The following BACH2 variants were observed in gnomAD, a reference collection of about 807,000 sequenced individuals.
The protein encoded by BACH2 is transcription regulator protein BACH2.
Under a neutral mutation model 61.8 loss-of-function variants are expected in BACH2, and 5 were observed. The observed-to-expected ratio is 0.08, with a 90% confidence interval of 0.04 to 0.17. The LOEUF (loss-of-function observed/expected upper bound fraction) is 0.17, where lower values mean the gene tolerates loss of function less well. Among genes scored for constraint, BACH2 ranks in the 10% least tolerant of loss-of-function variants. BACH2 has a pLI of 1.00. For missense variants in BACH2, 824 were observed against 1,091.1 expected, an observed-to-expected ratio of 0.76 and a Z score of 3.45; for synonymous variants, 446 against 440.1, an observed-to-expected ratio of 1.01 and a Z score of -0.17.
In BACH2 at chr6:89,951,520, C is replaced by T. The variant is rs767734937; in HGVS notation, c.586G>A (p.Ala196Thr). The T allele has an allele frequency of 2.8e-5, 45 of 1,614,096 alleles. No individual in the cohort carries two copies. The highest frequency in any genetic ancestry group is 5.0e-5 in the Admixed American group (3 of 60,008). ...TCTTCCTTCTCTGCTACGGGGATGGCGGCGGCCTCAAAGCTGATGGGCTCT... is the reference window on the plus strand; with the variant it reads ...TCTTCCTTCTCTGCTACGGGGATGGTGGCGGCCTCAAAGCTGATGGGCTCT... ...LPEPISFEAA[A>T]IPVAEKEEAL... The change falls in exon 7 of 9, where the codon GCC becomes ACC. Residue 196 changes from alanine (A) to threonine (T), a missense_variant. By Grantham distance (58) the Ala-to-Thr change is moderately conservative. This residue lies in a region of BACH2 where 107 missense variants were observed against 121.7 expected (regional missense o/e 0.88). Coordinates refer to ENST00000257749, the MANE Select transcript of BACH2 (RefSeq NM_021813.4). The surrounding 1 kb of genome is among the most constrained non-coding windows in gnomAD (Gnocchi z 6.4).
intron 3 of BACH2, among the ~76,000 whole-genome samples, chr6:90,247,337 G>C (rs150353697): frequency 4.6e-5 from 7 of 151,200 alleles, no homozygotes; most frequent in Non-Finnish European, 1.0e-4. Flanking sequence ...CTGGGCTCAA[G>C]TGATCCTCCT....
chr6:90,109,381 T>G (rs1255426695), intron 4 of BACH2, among the ~76,000 whole-genome samples: 2 of 152,156 alleles, frequency 1.3e-5, no homozygotes, highest in African/African-American at 4.8e-5. Context: ...GGCTCCCTCC[T>G]CTGCAGAGTC....
At chr6:90,002,544 T>TG (rs1777190301) in intron 6 of BACH2, among the ~76,000 whole-genome samples, 1 of 152,096 alleles carries the variant, frequency 6.6e-6, no homozygotes, top group Admixed American at 6.5e-5. Flanking sequence ...CCGAAGCAAG[T>TG]GGATCACTTG....
intron 4 of BACH2, among the ~76,000 whole-genome samples, chr6:90,140,507 G>A (rs1203405422): frequency 1.3e-5 from 2 of 152,110 alleles, no homozygotes; most frequent in East Asian, 3.9e-4. Flanking sequence ...AAAGACACAG[G>A]GATACTTTCT....
intron 5 of BACH2, among the ~76,000 whole-genome samples, chr6:90,081,910 T>C (rs1781743002): frequency 6.6e-6 from 1 of 152,104 alleles, no homozygotes; most frequent in South Asian, 2.1e-4. Flanking sequence ...CCTGAAGGCC[T>C]AGTACTCTCC....
intron 4 of BACH2, among the ~76,000 whole-genome samples, chr6:90,101,910 GATGCT>G (rs1782644066): frequency 6.6e-6 from 1 of 151,900 alleles, no homozygotes; most frequent in African/African-American, 2.4e-5. Flanking sequence ...AATTATTTTT[GATGCT>G]ATGTAAATGG....
At chr6:90,234,461 A>G (rs2127861628) in intron 3 of BACH2, among the ~76,000 whole-genome samples, 1 of 152,364 alleles carries the variant, frequency 6.6e-6, no homozygotes, top group East Asian at 1.9e-4. Context: ...AATGTTTTGT[A>G]TAAACCTTAG....
At chr6:90,018,224 C>A (rs1488652640) in intron 5 of BACH2, among the ~76,000 whole-genome samples, 3 of 152,220 alleles carry the variant, frequency 2.0e-5, no homozygotes, top group East Asian at 1.9e-4. Context: ...CAGTACTCTG[C>A]AGAATATTAA....
At chr6:90,005,197 G>A (rs1225270091) in intron 6 of BACH2, among the ~76,000 whole-genome samples, 1 of 152,064 alleles carries the variant, frequency 6.6e-6, no homozygotes, top group African/African-American at 2.4e-5. Flanking sequence ...TAAGGTGGAT[G>A]GGGAGTTGGG....
At chr6:90,226,552 C>T (rs1019094281) in intron 3 of BACH2, among the ~76,000 whole-genome samples, 2 of 152,180 alleles carry the variant, frequency 1.3e-5, no homozygotes, top group Non-Finnish European at 2.9e-5. Flanking sequence ...CCCAACGTCA[C>T]TGTTACCACT....
chr6:90,267,919 C>G (rs1771392522), intron 2 of BACH2, among the ~76,000 whole-genome samples: 1 of 151,708 alleles, frequency 6.6e-6, no homozygotes, highest in South Asian at 2.1e-4. Context: ...TCTATATTCA[C>G]CTAAATATTA....
At chr6:90,223,112 G>A (rs1267995761) in intron 3 of BACH2, among the ~76,000 whole-genome samples, 8 of 152,124 alleles carry the variant, frequency 5.3e-5, no homozygotes, top group South Asian at 2.1e-4. Flanking sequence ...TCCATGAGAC[G>A]CACCCTTCTA....
chr6:90,184,501 T>C (rs971116840), intron 4 of BACH2, among the ~76,000 whole-genome samples: 8 of 152,328 alleles, frequency 5.3e-5, no homozygotes, highest in South Asian at 4.1e-4. Flanking sequence ...GCTGCTTTCC[T>C]GCCACTCACC....
Position 89,932,327 on chromosome 6 carries a change from C to T in BACH2, c.*81G>A. 6.5e-7 allele frequency: 1 copy of T among 1,527,744 alleles called. No homozygotes were observed. Among genetic ancestry groups the T allele is most frequent in the Admixed American group, 1.8e-5 (1 of 55,168 alleles). 94.6% of individuals were successfully genotyped at this position (1,527,744 alleles called of 1,614,324 possible). On this transcript the variant is annotated 3_prime_UTR_variant, in exon 9 of 9. Coordinates refer to ENST00000257749, the MANE Select transcript of BACH2 (RefSeq NM_021813.4). The stretch of plus-strand genomic sequence containing the variant: ...AAATGTGTTCTCGGTTTCTTCGGGA[C>T]AGCAGATGAACAGTGCCACAGGCTG...
At chr6:90,098,283 CA>C (rs1411090176) in intron 4 of BACH2, among the ~76,000 whole-genome samples, 9 of 140,130 alleles carry the variant, frequency 6.4e-5, no homozygotes, top group Admixed American at 7.1e-5. Flanking sequence ...GCCCCCCCCG[CA>C]ACCCCCACCC....
At chr6:90,061,629 T>G (rs146958135) in intron 5 of BACH2, among the ~76,000 whole-genome samples, 2 of 151,284 alleles carry the variant, frequency 1.3e-5, no homozygotes, top group Non-Finnish European at 2.9e-5. Flanking sequence ...AGAGAAAACA[T>G]AGGGACAGAC....
chr6:90,081,759 A>G (rs1008928575), intron 5 of BACH2, among the ~76,000 whole-genome samples: 1 of 152,100 alleles, frequency 6.6e-6, no homozygotes, highest in Non-Finnish European at 1.5e-5. Context: ...AATACTTCCT[A>G]TTCTACGGAC....
intron 4 of BACH2, among the ~76,000 whole-genome samples, chr6:90,170,311 T>C (rs1213198578): frequency 6.6e-6 from 1 of 152,214 alleles, no homozygotes; most frequent in Admixed American, 6.5e-5. Flanking sequence ...CTCCTTTACC[T>C]GCCCCAGGGT....
chr6:90,041,126 G>A (rs9451326), intron 5 of BACH2, among the ~76,000 whole-genome samples: 2,485 of 152,188 alleles, frequency 0.016, 80 homozygotes, highest in African/African-American at 0.056. Context: ...AACAATGGGC[G>A]CCCTTGTCTT....
Sources: allele counts gnomAD v4.1 joint callset (sites outside exome capture counted in the v4.1 genomes callset), GRCh38; gene constraint gnomAD v4.1.1; regional missense constraint gnomAD v4.1.1; non-coding constraint Gnocchi (gnomAD v3.1); transcripts MANE v1.5; gene names NCBI Gene and HGNC (gene_info 2026-07-23, HGNC 2026-07-21).